TNKS: variants seen among roughly 807,000 people sequenced by gnomAD.
TNKS encodes the protein poly [ADP-ribose] polymerase tankyrase-1.
A neutral mutation model predicts 135.8 loss-of-function variants in TNKS; 72 were observed. That is an observed-to-expected ratio of 0.53 (90% confidence interval 0.44 to 0.64). The LOEUF (loss-of-function observed/expected upper bound fraction) is 0.64, where lower values mean the gene tolerates loss of function less well. Among genes scored for constraint, TNKS ranks in the 30% least tolerant of loss-of-function variants. TNKS has a pLI of 0.00. For missense variants in TNKS, 1,769 were observed against 1,674.0 expected (o/e 1.06, Z -0.99); for synonymous variants, 849 against 649.3 (o/e 1.31, Z -4.68).
intron 11 of TNKS, among the ~76,000 whole-genome samples, chr8:9,716,199 C>G (rs1352173302): frequency 6.6e-6 from 1 of 152,144 alleles, no homozygotes; most frequent in African/African-American, 2.4e-5. Flanking sequence ...GCTTATTTCT[C>G]ACATTTAGAA....
At chr8:9,594,506 G>A (rs777568421) in intron 2 of TNKS, among the ~76,000 whole-genome samples, 47 of 152,270 alleles carry the variant, frequency 3.1e-4, no homozygotes, top group Middle Eastern at 3.4e-3. Context: ...TGTTATCACA[G>A]AAAGTTCTGT....
intron 2 of TNKS, among the ~76,000 whole-genome samples, chr8:9,614,407 A>G (rs1225623818): frequency 6.6e-6 from 1 of 152,228 alleles, no homozygotes; most frequent in Non-Finnish European, 1.5e-5. Context: ...AATGTAATGT[A>G]TGAGATGTAC....
Position 9,714,696 on chromosome 8 carries a change from T to C in TNKS, c.1749+4476T>C, listed in dbSNP as rs1048020899. Among the ~76,000 whole-genome samples the C allele has an allele frequency of 3.3e-5, 5 of 152,188 alleles. No homozygotes were observed. The East Asian group carries it at 5.8e-4, about 18-fold the overall frequency. On this transcript the variant is annotated intron_variant, in intron 11 of 26. Transcript: ENST00000310430. ...GGAAGAGGAAGATAAAAGCCACTTA[T>C]GAAGGAGTAATTATATTACCTGGAA...
At position 9,779,171 on chromosome 8, in the gene TNKS, G is replaced by C. The variant is rs921437709; in HGVS notation, c.*2435G>C. The stretch of plus-strand genomic sequence containing the variant: ...GAGTGGGTTAATGGATATATCAGAG[G>C]AGCCAAATACATTTTTTTCAGAACT... On this transcript the variant is annotated 3_prime_UTR_variant, in exon 27 of 27. Coordinates refer to ENST00000310430, the MANE Select transcript of TNKS (RefSeq NM_003747.3). 5 of 152,520 alleles carry C rather than the reference G, an allele frequency of 3.3e-5. No homozygotes were observed. Among genetic ancestry groups the C allele is most frequent in the African/African-American group, 1.2e-4 (5 of 41,392 alleles). The allele number at this position is 152,520 out of a possible 1,614,324, so 9.4% of individuals were successfully genotyped here.
At chr8:9,635,277 A>G (rs985190678) in intron 3 of TNKS, among the ~76,000 whole-genome samples, 1 of 152,180 alleles carries the variant, frequency 6.6e-6, no homozygotes, top group South Asian at 2.1e-4. Context: ...CATATCCGGG[A>G]TAGTTTGACT....
At chr8:9,674,256 G>A (rs1441424823) in intron 3 of TNKS, among the ~76,000 whole-genome samples, 3 of 152,158 alleles carry the variant, frequency 2.0e-5, no homozygotes, top group South Asian at 2.1e-4. Flanking sequence ...GTAAAATGAA[G>A]GTTCTGTGAA....
At chr8:9,574,781 G>C (rs1797880869) in intron 1 of TNKS, among the ~76,000 whole-genome samples, 1 of 152,034 alleles carries the variant, frequency 6.6e-6, no homozygotes, top group African/African-American at 2.4e-5. Context: ...CTGGACAGAT[G>C]ACACATTTTT....
intron 2 of TNKS, among the ~76,000 whole-genome samples, chr8:9,611,271 A>C (rs760217663): frequency 1.2e-4 from 18 of 152,214 alleles, no homozygotes; most frequent in Non-Finnish European, 2.5e-4. Flanking sequence ...AAGATAGTAT[A>C]GGGGGCTTTG....
At chr8:9,690,867 A>G (rs79590213) in intron 5 of TNKS, among the ~76,000 whole-genome samples, 1,850 of 152,190 alleles carry the variant, frequency 0.012, 36 homozygotes, top group African/African-American at 0.041. Flanking sequence ...ATCAATTGCT[A>G]TTTTATCTCT....
chr8:9,767,979 A>G (rs1052818485), intron 25 of TNKS, among the ~76,000 whole-genome samples: 9 of 151,666 alleles, frequency 5.9e-5, no homozygotes, highest in Non-Finnish European at 7.4e-5. Flanking sequence ...AAAAAAAAGA[A>G]TACAGAGAAA....
At chr8:9,574,924 C>A in intron 1 of TNKS, 3 of 544,676 alleles carry the variant, frequency 5.5e-6, no homozygotes, top group Non-Finnish European at 7.0e-6. Context: ...AGATATGAGG[C>A]TTAGAAATAT....
Position 9,613,096 on chromosome 8 carries a change from A to G in TNKS, c.899-2486A>G, listed in dbSNP as rs574629733. Reference sequence around the variant, plus strand: ...CTCAGTGTAACTTTTACTGAAAAAAATCTGCATATATGTGGACTGATGCAG... The same window carrying G: ...CTCAGTGTAACTTTTACTGAAAAAAGTCTGCATATATGTGGACTGATGCAG... On this transcript the variant is annotated intron_variant, in intron 2 of 26. Coordinates refer to ENST00000310430, the MANE Select transcript of TNKS (RefSeq NM_003747.3). Among the ~76,000 whole-genome samples, 4 of 152,290 alleles carry G rather than the reference A, an allele frequency of 2.6e-5. No individual in the cohort carries two copies. In the East Asian group the frequency reaches 5.8e-4, roughly 22 times the overall value.
rs79868983 is a variant in TNKS at position 9,575,372 on chromosome 8, C to T, written c.674-4787C>T. ...AATTACAGGTGTGAGCCACCGCGCCCGGCGGATAATTTTTTAAGAGGAACA... is the reference window on the plus strand; with the variant it reads ...AATTACAGGTGTGAGCCACCGCGCCTGGCGGATAATTTTTTAAGAGGAACA... On this transcript the variant is annotated intron_variant, in intron 1 of 26. Coordinates refer to ENST00000310430, the MANE Select transcript of TNKS (RefSeq NM_003747.3). 192 of 985,066 alleles carry T rather than the reference C, an allele frequency of 1.9e-4. No individual in the cohort carries two copies. The African/African-American group carries it at 2.9e-3, about 15-fold the overall frequency. 61.0% of individuals were successfully genotyped at this position (985,066 alleles called of 1,614,324 possible).
intron 3 of TNKS, among the ~76,000 whole-genome samples, chr8:9,666,300 G>A (rs536056749): frequency 8.5e-5 from 13 of 152,302 alleles, no homozygotes; most frequent in Non-Finnish European, 1.9e-4. Context: ...GCTACTGGAA[G>A]TTTACAATTA....
At chr8:9,730,194 T>G (rs1033887383) in intron 13 of TNKS, among the ~76,000 whole-genome samples, 5 of 152,188 alleles carry the variant, frequency 3.3e-5, no homozygotes, top group African/African-American at 1.2e-4. Context: ...CAAACGGAGC[T>G]TACAATTTAG....
At position 9,777,373 on chromosome 8, in the gene TNKS, T is replaced by G. The variant is rs998183690; in HGVS notation, c.*637T>G. The G allele has an allele frequency of 2.0e-5, 3 of 152,424 alleles. No individual in the cohort carries two copies. The highest frequency in any genetic ancestry group is 7.2e-5 in the African/African-American group (3 of 41,444). 9.4% of individuals were successfully genotyped at this position (152,424 alleles called of 1,614,324 possible). On this transcript the variant is annotated 3_prime_UTR_variant, in exon 27 of 27. Coordinates refer to ENST00000310430, the MANE Select transcript of TNKS (RefSeq NM_003747.3). ...TGCTCTGTAGCTGCACTTCTCGTTA[T>G]CATAAATTGAGATGAAAAGGAAAAA...
At chr8:9,769,590 A>G (rs1807681608) in intron 25 of TNKS, among the ~76,000 whole-genome samples, 1 of 150,134 alleles carries the variant, frequency 6.7e-6, no homozygotes, top group Admixed American at 6.6e-5. Flanking sequence ...TCCACCAGGC[A>G]AAACTTACTG....
At chr8:9,731,822 C>T (rs1027468801) in intron 14 of TNKS, among the ~76,000 whole-genome samples, 1 of 152,284 alleles carries the variant, frequency 6.6e-6, no homozygotes, top group East Asian at 1.9e-4. Context: ...GAGTCTCGCT[C>T]TGTCGCCCAG....
chr8:9,764,207 T>C (rs1180591197), intron 22 of TNKS, among the ~76,000 whole-genome samples: 2 of 152,102 alleles, frequency 1.3e-5, no homozygotes, highest in Non-Finnish European at 2.9e-5. Context: ...ATTTAGAGAG[T>C]AGTCAGAAGA....
Sources: allele counts gnomAD v4.1 joint callset (sites outside exome capture counted in the v4.1 genomes callset), GRCh38; gene constraint gnomAD v4.1.1; transcripts MANE v1.5; gene names NCBI Gene and HGNC (gene_info 2026-07-23, HGNC 2026-07-21).